SGCZ: variants seen among roughly 807,000 people sequenced by gnomAD.
SGCZ encodes the protein sarcoglycan zeta.
Under a neutral mutation model 41.3 loss-of-function variants are expected in SGCZ, and 40 were observed. The ratio of observed to expected loss-of-function variants is 0.97; its 90% CI spans 0.75 to 1.26. The LOEUF (loss-of-function observed/expected upper bound fraction) is 1.26. Among genes scored for constraint, SGCZ ranks in the 50% most tolerant of loss-of-function variants. The pLI, the probability that SGCZ is intolerant of heterozygous loss-of-function variation, is 0.00. For synonymous variants in SGCZ, 206 were observed against 137.5 expected (o/e 1.50, Z -3.49); for missense variants, 552 against 369.8 (o/e 1.49, Z -4.04).
At chr8:14,253,046 G>C (rs1333055011) in intron 3 of SGCZ, among the ~76,000 whole-genome samples, 2 of 152,032 alleles carry the variant, frequency 1.3e-5, no homozygotes, top group Non-Finnish European at 1.5e-5. Context: ...CATAACCAAT[G>C]AACTCATTAT....
chr8:14,090,471 G>A lies in SGCZ; in HGVS notation c.911C>T (p.Ser304Phe), dbSNP rs940226219. ...SPAGVGSTCQ[S>F]SSNICLWS is the part of the protein sequence containing the mutation. ...GCTCCACAGGCAGATGTTGCTACTGGACTGACAAGTGGAACCTACTCCTGC... is the reference window on the plus strand; with the variant it reads ...GCTCCACAGGCAGATGTTGCTACTGAACTGACAAGTGGAACCTACTCCTGC... Residue 304 changes from serine to phenylalanine, a missense_variant, in exon 8 of 8, where the codon TCC becomes TTC. By Grantham distance (155) the Ser-to-Phe change is radical. Coordinates refer to ENST00000382080, the MANE Select transcript of SGCZ (RefSeq NM_139167.4). 1 of 1,612,916 alleles carries A rather than the reference G, an allele frequency of 6.2e-7. No individual in the cohort carries two copies. The highest frequency in any genetic ancestry group is 1.7e-5 in the Admixed American group (1 of 59,936).
At chr8:14,735,538 TGGCCACAGACTGATG>T (rs1338448956) in intron 1 of SGCZ, among the ~76,000 whole-genome samples, 3 of 152,194 alleles carry the variant, frequency 2.0e-5, no homozygotes, top group Admixed American at 1.3e-4. Flanking sequence ...CTCAGGCCTT[TGGCCACAGACTGATG>T]CCTGCACTAT....
intron 3 of SGCZ, among the ~76,000 whole-genome samples, chr8:14,277,558 T>C (rs1288964148): frequency 6.6e-6 from 1 of 152,188 alleles, no homozygotes; most frequent in African/African-American, 2.4e-5. Flanking sequence ...CATGGATAAT[T>C]GCAAAGTCAA....
intron 1 of SGCZ, among the ~76,000 whole-genome samples, chr8:15,218,017 C>A (rs73535898): frequency 6.6e-6 from 1 of 152,036 alleles, no homozygotes; most frequent in East Asian, 1.9e-4. Flanking sequence ...CCCTGGGAGG[C>A]GGAGATTCCT....
intron 1 of SGCZ, among the ~76,000 whole-genome samples, chr8:14,788,376 A>G (rs1474332146): frequency 2.6e-5 from 4 of 152,190 alleles, no homozygotes; most frequent in African/African-American, 7.2e-5. Context: ...TCATTAGCCA[A>G]TTAGGAGGAA....
At chr8:14,773,283 C>A (rs948014822) in intron 1 of SGCZ, among the ~76,000 whole-genome samples, 14 of 152,122 alleles carry the variant, frequency 9.2e-5, no homozygotes, top group Non-Finnish European at 1.8e-4. Flanking sequence ...TTCAACGTGC[C>A]TTTAATTTTT....
intron 4 of SGCZ, among the ~76,000 whole-genome samples, chr8:14,221,910 G>GA (rs952796684): frequency 6.6e-6 from 1 of 151,504 alleles, no homozygotes; most frequent in African/African-American, 2.4e-5. Flanking sequence ...GCAGTGAGCC[G>GA]AGATCATGCC....
At chr8:14,784,925 T>TATA (rs1800713659) in intron 1 of SGCZ, among the ~76,000 whole-genome samples, 1 of 69,840 alleles carries the variant, frequency 1.4e-5, no homozygotes, top group South Asian at 4.7e-4. Context: ...TATATATATA[T>TATA]ATATATATAA....
intron 1 of SGCZ, among the ~76,000 whole-genome samples, chr8:14,952,673 T>C (rs1281684334): frequency 1.3e-5 from 2 of 152,188 alleles, no homozygotes; most frequent in African/African-American, 4.8e-5. Context: ...CTCTGTGACT[T>C]TGGCCTCATT....
At chr8:14,915,813 G>C (rs1420504912) in intron 1 of SGCZ, among the ~76,000 whole-genome samples, 1 of 151,910 alleles carries the variant, frequency 6.6e-6, no homozygotes, top group Non-Finnish European at 1.5e-5. Flanking sequence ...CCGTTCTTCT[G>C]TCTATTAAAC....
intron 1 of SGCZ, among the ~76,000 whole-genome samples, chr8:15,212,236 T>C (rs1801257367): frequency 6.6e-6 from 1 of 152,174 alleles, no homozygotes; most frequent in African/African-American, 2.4e-5. Context: ...GTTCTTATAA[T>C]GATTTAGCTA....
chr8:15,039,487 G>C (rs1803996711), intron 1 of SGCZ, among the ~76,000 whole-genome samples: 1 of 152,106 alleles, frequency 6.6e-6, no homozygotes, highest in Admixed American at 6.5e-5. Context: ...GTGGGGTTGG[G>C]AAAATCAAAG....
chr8:14,835,579 G>A (rs1452812422), intron 1 of SGCZ, among the ~76,000 whole-genome samples: 1 of 152,162 alleles, frequency 6.6e-6, no homozygotes, highest in African/African-American at 2.4e-5. Context: ...ATTAATGAGA[G>A]TGTTAAATAA....
intron 3 of SGCZ, among the ~76,000 whole-genome samples, chr8:14,279,364 G>A (rs538327250): frequency 2.0e-3 from 302 of 152,036 alleles, no homozygotes; most frequent in Non-Finnish European, 3.5e-3. Context: ...CTATTTAAAA[G>A]CTAAAATATA....
chr8:14,209,351 C>T (rs754629029), intron 4 of SGCZ, among the ~76,000 whole-genome samples: 1 of 151,874 alleles, frequency 6.6e-6, no homozygotes, highest in Non-Finnish European at 1.5e-5. Context: ...CTCTTTCTTT[C>T]GCCTGTTAAA....
chr8:14,220,270 G>A (rs1341132773), intron 4 of SGCZ, among the ~76,000 whole-genome samples: 2 of 152,096 alleles, frequency 1.3e-5, no homozygotes, highest in Non-Finnish European at 1.5e-5. Flanking sequence ...ACTACCATGC[G>A]CAATGGTAAT....
At chr8:14,893,777 A>C (rs1308143055) in intron 1 of SGCZ, among the ~76,000 whole-genome samples, 3 of 152,170 alleles carry the variant, frequency 2.0e-5, no homozygotes, top group Non-Finnish European at 4.4e-5. Flanking sequence ...ATGTTAAACA[A>C]TTTTATGTCC....
chr8:14,676,815 T>C (rs1808292811), intron 1 of SGCZ, among the ~76,000 whole-genome samples: 2 of 152,156 alleles, frequency 1.3e-5, no homozygotes, highest in Admixed American at 1.3e-4. Context: ...AAGCGTATTT[T>C]CTAAGCTTAA....
At chr8:14,415,426 A>G (rs189088436) in intron 2 of SGCZ, among the ~76,000 whole-genome samples, 1 of 152,014 alleles carries the variant, frequency 6.6e-6, no homozygotes, top group East Asian at 1.9e-4. Flanking sequence ...CAAAAAGGGA[A>G]TTAGTGTGAA....
Sources: allele counts gnomAD v4.1 joint callset (sites outside exome capture counted in the v4.1 genomes callset), GRCh38; gene constraint gnomAD v4.1.1; transcripts MANE v1.5; gene names NCBI Gene and HGNC (gene_info 2026-07-23, HGNC 2026-07-21).